The following FAM216B variants were observed in gnomAD, a reference collection of about 807,000 sequenced individuals.
The protein encoded by FAM216B is family with sequence similarity 216 member B, also known as protein FAM216B.
Under a neutral mutation model 12.9 loss-of-function variants are expected in FAM216B, and 11 were observed. That is an observed-to-expected ratio of 0.86 (90% CI 0.54 to 1.42). The LOEUF (loss-of-function observed/expected upper bound fraction) is 1.42, where lower values mean the gene tolerates loss of function less well. Among genes scored for constraint, FAM216B ranks in the 40% most tolerant of loss-of-function variants. The pLI is 0.00. For synonymous variants in FAM216B, 52 were observed against 57.2 expected (o/e 0.91, Z 0.41); for missense variants, 167 against 162.9 (o/e 1.02, Z -0.14).
Position 42,791,240 on chromosome 13 carries a change from A to G in FAM216B, c.*2450A>G, listed in dbSNP as rs1874304458. The G allele has an allele frequency of 1.3e-5, 2 of 152,218 alleles. No homozygotes were observed. The highest frequency in any genetic ancestry group is 1.3e-4 in the Admixed American group (2 of 15,270). 9.4% of individuals were successfully genotyped at this position (152,218 alleles called of 1,614,324 possible). A position where few individuals can be genotyped will look rare whatever the true frequency, so the allele number is the denominator to read the frequency against. On this transcript the variant is annotated 3_prime_UTR_variant, in exon 4 of 4. Coordinates refer to ENST00000313851, the MANE Select transcript of FAM216B (RefSeq NM_001318932.2). ...AAATAATACATATATGTAAGCTTCA[A>G]AGTAGCACATTTGTACTGTTTTTCT...
intron 3 of FAM216B, among the ~76,000 whole-genome samples, chr13:42,787,599 C>A (rs534957353): frequency 6.6e-6 from 1 of 152,186 alleles, no homozygotes; most frequent in East Asian, 1.9e-4. Context: ...CCTTTTCTTG[C>A]AGGAAATGCT....
chr13:42,783,360 C>T (rs1873932753), intron 1 of FAM216B, among the ~76,000 whole-genome samples: 1 of 151,680 alleles, frequency 6.6e-6, no homozygotes. Flanking sequence ...CAAATGCTAA[C>T]AATAATTATG....
chr13:42,784,302 T>G (rs1411222596), intron 2 of FAM216B, 136 bp downstream of exon 2: 1 of 608,078 alleles, frequency 1.6e-6, no homozygotes, highest in Non-Finnish European at 2.7e-6. Flanking sequence ...AAGCCCTTGC[T>G]GCATGTTGAA....
chr13:42,788,898 C>T lies in FAM216B; in HGVS notation c.*108C>T. 2 of 1,091,640 alleles carry T rather than the reference C, an allele frequency of 1.8e-6. No individual in the cohort carries two copies. Among genetic ancestry groups the T allele is most frequent in the Non-Finnish European group, 2.5e-6 (2 of 791,030 alleles). The allele number at this position is 1,091,640 out of a possible 1,614,324, so 67.6% of individuals were successfully genotyped here. On this transcript the variant is annotated 3_prime_UTR_variant, in exon 4 of 4. Transcript: ENST00000313851. ...GACAGTGAATAATTTCTAATATAAA[C>T]CCCAGACCTAAAAATAATCTCTGAT...
rs530475946 is a variant in FAM216B at position 42,786,844 on chromosome 13, A to G, written c.181A>G (p.Thr61Ala). ...CAGGCCCCAGTGGGAGGCCCTGCAG[A>G]CCCGCTACATTCACAGCCTTCAGCA... ...NSRPQWEALQ[T>A]RYIHSLQHQQ... The change falls in exon 3 of 4, where the codon ACC becomes GCC. Residue 61 changes from threonine (T) to alanine (A), a missense_variant. By Grantham distance (58) the Thr-to-Ala change is moderately conservative. Transcript: ENST00000313851. 3.7e-6 allele frequency: 6 copies of G among 1,614,032 alleles called. No individual in the cohort carries two copies. In the East Asian group the frequency reaches 1.1e-4, roughly 30 times the overall value.
Position 42,788,160 on chromosome 13 carries a change from T to G in FAM216B, c.221-431T>G, listed in dbSNP as rs182237694. ...ATGCAGATTTCCAAGATTAACCCTC[T>G]GAGTTTCTGATTCAGAAGGTCTTTA... On this transcript the variant is annotated intron_variant, in intron 3 of 3. Transcript: ENST00000313851. 2.8e-4 allele frequency among the ~76,000 whole-genome samples: 42 copies of G among 152,316 alleles called. No individual in the cohort carries two copies. In the East Asian group the frequency reaches 7.1e-3, roughly 26 times the overall value.
rs1874193612 is a variant in FAM216B, at chr13:42,788,740, G to T, written c.370G>T (p.Val124Leu). The T allele has an allele frequency of 6.2e-7, 1 of 1,613,690 alleles. No homozygotes were observed. Among genetic ancestry groups the T allele is most frequent in the Non-Finnish European group, 8.5e-7 (1 of 1,179,814 alleles). ...ATGTCCATCAGTACTACCTGTATCT[G>T]TGGTTCTACCTAGGGCCCAAAGTAA... ...RRCPSVLPVS[V>L]VLPRAQSKRR... Residue 124 changes from valine to leucine, a missense_variant, in exon 4 of 4, where the codon GTG becomes TTG. Transcript: ENST00000313851.
rs566692523 is a variant in FAM216B, at chr13:42,789,019, T to A, written c.*229T>A. ...CATAACATCCGTAGAGTAAAAGGACTTTTAAAGCTTTCAAAGTAAAAGTTT... is the reference window on the plus strand; with the variant it reads ...CATAACATCCGTAGAGTAAAAGGACATTTAAAGCTTTCAAAGTAAAAGTTT... On this transcript the variant is annotated 3_prime_UTR_variant, in exon 4 of 4. Transcript: ENST00000313851. The A allele has an allele frequency of 2.8e-6, 1 of 362,482 alleles. No individual in the cohort carries two copies. The highest frequency in any genetic ancestry group is 6.2e-5 in the South Asian group (1 of 16,220). The allele number at this position is 362,482 out of a possible 1,614,324, so 22.5% of individuals were successfully genotyped here.
intron 3 of FAM216B, 66 bp downstream of exon 3, chr13:42,786,949 G>A (rs1566064699): frequency 6.9e-6 from 11 of 1,589,520 alleles, no homozygotes; most frequent in South Asian, 2.3e-5. Context: ...GCCAGAAGTC[G>A]TTTCCAGATA....
chr13:42,784,043 G>T lies in FAM216B; in HGVS notation c.-14-11G>T. 1 of 1,554,178 alleles carries T rather than the reference G, an allele frequency of 6.4e-7. No individual in the cohort carries two copies. The highest frequency in any genetic ancestry group is 8.7e-7 in the Non-Finnish European group (1 of 1,150,444). On this transcript the variant is annotated splice_polypyrimidine_tract_variant and intron_variant, in intron 1 of 3. Coordinates refer to ENST00000313851, the MANE Select transcript of FAM216B (RefSeq NM_001318932.2). The stretch of plus-strand genomic sequence containing the variant: ...AAGAAATTTTATGCTATGCTTTGTT[G>T]TTTCTTGGAGGTATAGGATAAACGA...
At chr13:42,786,065 T>C (rs1001784220) in intron 2 of FAM216B, among the ~76,000 whole-genome samples, 1 of 152,176 alleles carries the variant, frequency 6.6e-6, no homozygotes, top group African/African-American at 2.4e-5. Flanking sequence ...ATCCTTAAAC[T>C]CAACATAGTT....
chr13:42,784,110 C>T lies in FAM216B; in HGVS notation c.43C>T (p.Pro15Ser), dbSNP rs775759637. The T allele has an allele frequency of 4.4e-6, 7 of 1,604,878 alleles. No homozygotes were observed. In the Admixed American group the frequency reaches 1.2e-4, roughly 27 times the overall value. Residue 15 changes from proline (P) to serine (S), a missense_variant, in exon 2 of 4, where the codon CCA (proline) becomes TCA (serine). Physicochemically the swap from Pro to Ser is moderately conservative, Grantham distance 74. Coordinates refer to ENST00000313851, the MANE Select transcript of FAM216B (RefSeq NM_001318932.2). Reference sequence around the variant, plus strand: ...AAGACAACAAAAGCTTTGGAATGTTCCACAACTTCCTTTTATTCGAGTTCC... The same window carrying T: ...AAGACAACAAAAGCTTTGGAATGTTTCACAACTTCCTTTTATTCGAGTTCC... Reference protein sequence around the residue: ...WKRQQKLWNVPQLPFIRVPPS... With the variant: ...WKRQQKLWNVSQLPFIRVPPS...
Position 42,784,387 on chromosome 13 carries a change from G to A in FAM216B, c.99+221G>A, listed in dbSNP as rs569658352. Among the ~76,000 whole-genome samples the A allele has an allele frequency of 5.3e-5, 8 of 151,892 alleles. No individual in the cohort carries two copies. In the East Asian group the frequency reaches 1.6e-3, roughly 29 times the overall value. On this transcript the variant is annotated intron_variant, in intron 2 of 3. Transcript: ENST00000313851. ...TCCCATTTCAGGAGCTCTGGTAGAC[G>A]GTCACCTCTTCGTGGCTGACCCACT...
intron 2 of FAM216B, among the ~76,000 whole-genome samples, chr13:42,786,045 A>C (rs897019707): frequency 3.3e-5 from 5 of 152,220 alleles, no homozygotes; most frequent in African/African-American, 1.2e-4. Flanking sequence ...GGCTCCTCAT[A>C]GAATATTTAA....
chr13:42,787,072 T>C (rs1024874478), intron 3 of FAM216B, among the ~76,000 whole-genome samples, 189 bp downstream of exon 3: 2 of 152,202 alleles, frequency 1.3e-5, no homozygotes, highest in African/African-American at 4.8e-5. Flanking sequence ...TATGGGTAAA[T>C]TAATAGGGTT....
chr13:42,788,636 G>T lies in FAM216B; in HGVS notation c.266G>T (p.Arg89Ile). 8 of 1,613,880 alleles carry T rather than the reference G, an allele frequency of 5.0e-6. No individual in the cohort carries two copies. Among genetic ancestry groups the T allele is most frequent in the Non-Finnish European group, 6.8e-6 (8 of 1,179,874 alleles). The change falls in exon 4 of 4, where the codon AGA becomes ATA. Residue 89 changes from arginine to isoleucine, a missense_variant. Physicochemically the swap from Arg to Ile is moderately conservative, Grantham distance 97 (BLOSUM62 -3). Transcript: ENST00000313851. ...REALSYALVLRDSTKRASAKV... is the reference protein window; with the variant it reads ...REALSYALVLIDSTKRASAKV... ...GCCTTGTCTTATGCTCTTGTACTTAGAGATTCAACCAAGAGAGCCTCAGCC... is the reference window on the plus strand; with the variant it reads ...GCCTTGTCTTATGCTCTTGTACTTATAGATTCAACCAAGAGAGCCTCAGCC...
chr13:42,784,214 T>C (rs200315311), intron 2 of FAM216B, 48 bp downstream of exon 2: 11 of 1,309,836 alleles, frequency 8.4e-6, no homozygotes, highest in Admixed American at 7.2e-5. Context: ...GTGACCTGTC[T>C]GTCTCTCCTT....
intron 1 of FAM216B, 102 bp downstream of exon 1, chr13:42,781,766 G>C (rs1474479171): frequency 6.6e-6 from 1 of 152,132 alleles, no homozygotes; most frequent in Non-Finnish European, 1.5e-5. Flanking sequence ...AATTTTATCA[G>C]GTATAGGCCA....
Position 42,784,176 on chromosome 13 carries a change from T to TTC in FAM216B, c.99+11_99+12insCT. ...CACTTCCTTACTAAAGGTATGGCTT[T>TTC]TTTTTTTTTTTTTTTTTCACAGATA... On this transcript the variant is annotated intron_variant, in intron 2 of 3. Coordinates refer to ENST00000313851, the MANE Select transcript of FAM216B (RefSeq NM_001318932.2). 7.0e-7 allele frequency: 1 copy of TTC among 1,424,194 alleles called. No homozygotes were observed. Among genetic ancestry groups the TTC allele is most frequent in the Non-Finnish European group, 9.4e-7 (1 of 1,067,114 alleles). 88.2% of individuals were successfully genotyped at this position (1,424,194 alleles called of 1,614,324 possible).
Sources: allele counts gnomAD v4.1 joint callset (sites outside exome capture counted in the v4.1 genomes callset), GRCh38; gene constraint gnomAD v4.1.1; transcripts MANE v1.5; gene names NCBI Gene and HGNC (gene_info 2026-07-23, HGNC 2026-07-21).